The following HHLA2 variants were observed in gnomAD, a reference collection of about 807,000 sequenced individuals.
HHLA2 encodes HERV-H LTR-associating protein 2.
HHLA2 carries 48 observed loss-of-function variants against 45.9 expected under a neutral mutation model. The observed-to-expected ratio is 1.05, with a 90% CI of 0.83 to 1.33. The LOEUF (loss-of-function observed/expected upper bound fraction) is 1.33, where lower values mean the gene tolerates loss of function less well. Among genes scored for constraint, HHLA2 ranks in the 40% most tolerant of loss-of-function variants. HHLA2 has a pLI of 0.00. For synonymous variants in HHLA2, 161 were observed against 173.9 expected, an observed-to-expected ratio of 0.93 and a Z score of 0.59; for missense variants, 462 against 494.3, an observed-to-expected ratio of 0.93 and a Z score of 0.62.
chr3:108,373,991 A>AT (rs1162603451), intron 8 of HHLA2, among the ~76,000 whole-genome samples: 1 of 151,220 alleles, frequency 6.6e-6, no homozygotes, highest in African/African-American at 2.4e-5. Context: ...TAAAGTTCAT[A>AT]TGGAACCAAA....
At chr3:108,356,513 G>C (rs1359868697) in intron 6 of HHLA2, among the ~76,000 whole-genome samples, 1 of 152,118 alleles carries the variant, frequency 6.6e-6, no homozygotes. Flanking sequence ...CAGTGTTAAA[G>C]GCATGAGTAC....
At chr3:108,352,477 T>C (rs1242126483) in intron 4 of HHLA2, among the ~76,000 whole-genome samples, 1 of 152,216 alleles carries the variant, frequency 6.6e-6, no homozygotes, top group African/African-American at 2.4e-5. Context: ...TTCTTCCATC[T>C]TGGGTGGCCT....
rs781631782 is a variant in HHLA2 at position 108,355,100 on chromosome 3, C to T, written c.419-15C>T. On this transcript the variant is annotated splice_polypyrimidine_tract_variant and intron_variant, in intron 5 of 10. Transcript: ENST00000619531. ...TGATGGCAGTTTTTCATGCGCCCTT[C>T]TTTCTCCTATGTAGTTTTTCTCACA... 1.2e-6 allele frequency: 2 copies of T among 1,600,920 alleles called. No homozygotes were observed. The highest frequency in any genetic ancestry group is 1.1e-5 in the South Asian group (1 of 88,866).
intron 2 of HHLA2, among the ~76,000 whole-genome samples, chr3:108,314,139 C>T (rs923510338): frequency 2.6e-5 from 4 of 151,156 alleles, no homozygotes; most frequent in African/African-American, 9.7e-5. Context: ...TTTTTTTTAT[C>T]TTTGTGCACA....
intron 3 of HHLA2, among the ~76,000 whole-genome samples, chr3:108,329,946 G>A (rs1019086133): frequency 3.3e-5 from 5 of 152,152 alleles, no homozygotes; most frequent in African/African-American, 1.2e-4. Flanking sequence ...CTGACTCAGG[G>A]TCTTTAATGG....
At chr3:108,345,214 G>C (rs149098492) in intron 3 of HHLA2, among the ~76,000 whole-genome samples, 1 of 152,214 alleles carries the variant, frequency 6.6e-6, no homozygotes, top group Admixed American at 6.5e-5. Context: ...AGGGAGCTCT[G>C]GGCTACAGGA....
At chr3:108,326,144 T>C (rs1179025839) in intron 2 of HHLA2, 1 of 242,644 alleles carries the variant, frequency 4.1e-6, no homozygotes, top group African/African-American at 2.3e-5. Context: ...CTTTTTCACA[T>C]TTAAGTGGTT....
intron 1 of HHLA2, among the ~76,000 whole-genome samples, chr3:108,299,284 A>G (rs2080812734): frequency 6.6e-6 from 1 of 151,030 alleles, no homozygotes; most frequent in East Asian, 2.0e-4. Context: ...GTTTAAAAAA[A>G]GACTCAAAAA....
At chr3:108,310,401 T>C (rs1028597195) in intron 1 of HHLA2, among the ~76,000 whole-genome samples, 4 of 152,214 alleles carry the variant, frequency 2.6e-5, no homozygotes, top group African/African-American at 9.6e-5. Flanking sequence ...TCATATTCTG[T>C]AGAGATTAAT....
intron 8 of HHLA2, among the ~76,000 whole-genome samples, chr3:108,373,276 C>T (rs575757223): frequency 6.6e-6 from 1 of 152,296 alleles, no homozygotes; most frequent in Admixed American, 6.5e-5. Context: ...CACAATTCAA[C>T]AACGCCTTCA....
chr3:108,370,170 C>T (rs1039356693), intron 8 of HHLA2, among the ~76,000 whole-genome samples: 1 of 152,204 alleles, frequency 6.6e-6, no homozygotes, highest in African/African-American at 2.4e-5. Context: ...CGCTGTTCTG[C>T]AGCCACCACT....
At position 108,368,379 on chromosome 3, in the gene HHLA2, G is replaced by A. The variant is rs911591526; in HGVS notation, c.1108+5933G>A. On this transcript the variant is annotated intron_variant, in intron 8 of 10. Coordinates refer to ENST00000619531, the Ensembl canonical transcript of HHLA2. ...AACAATATTAACTTTAAATGTAAATGGACTAAATGCCCCAGTTAAAAGACA... is the reference window on the plus strand; with the variant it reads ...AACAATATTAACTTTAAATGTAAATAGACTAAATGCCCCAGTTAAAAGACA... 3.3e-5 allele frequency among the ~76,000 whole-genome samples: 5 copies of A among 151,466 alleles called. No individual in the cohort carries two copies. In the East Asian group the frequency reaches 9.7e-4, roughly 29 times the overall value.
At chr3:108,320,823 C>T (rs763965238) in intron 2 of HHLA2, among the ~76,000 whole-genome samples, 1 of 151,970 alleles carries the variant, frequency 6.6e-6, no homozygotes, top group Non-Finnish European at 1.5e-5. Context: ...TCACCACAGT[C>T]CATACATTTG....
At chr3:108,340,082 G>C (rs1041541041) in intron 3 of HHLA2, among the ~76,000 whole-genome samples, 7 of 152,116 alleles carry the variant, frequency 4.6e-5, no homozygotes, top group African/African-American at 1.7e-4. Context: ...CAGTGTGTGG[G>C]AGCCTGGGGA....
intron 8 of HHLA2, among the ~76,000 whole-genome samples, chr3:108,371,549 A>G (rs11920366): frequency 2.0e-5 from 3 of 152,232 alleles, no homozygotes; most frequent in African/African-American, 7.2e-5. Context: ...TAAACAGTCA[A>G]GACCCATCAG....
intron 8 of HHLA2, among the ~76,000 whole-genome samples, chr3:108,375,380 A>G (rs146359799): frequency 0.032 from 4,785 of 151,808 alleles, 248 homozygotes; most frequent in African/African-American, 0.11. Flanking sequence ...CTAATGCTAA[A>G]TGATGATTTA....
At chr3:108,360,226 T>C (rs764916691) in intron 7 of HHLA2, among the ~76,000 whole-genome samples, 1 of 152,180 alleles carries the variant, frequency 6.6e-6, no homozygotes, top group Non-Finnish European at 1.5e-5. Context: ...ATTTCTGTTA[T>C]GTCTTCCACC....
chr3:108,348,081 T>C (rs2081701314), intron 3 of HHLA2, among the ~76,000 whole-genome samples: 1 of 152,070 alleles, frequency 6.6e-6, no homozygotes, highest in Non-Finnish European at 1.5e-5. Context: ...ATCCTTGATG[T>C]ACAGATTATA....
chr3:108,312,663 C>A (rs2081039928), intron 2 of HHLA2, among the ~76,000 whole-genome samples: 1 of 152,192 alleles, frequency 6.6e-6, no homozygotes, highest in South Asian at 2.1e-4. Flanking sequence ...TTCCAGTGCT[C>A]CTGATGCTAT....
Sources: gnomAD v4.1 joint callset for allele counts (sites outside exome capture counted in the v4.1 genomes callset) on GRCh38, gnomAD v4.1.1 for gene constraint, MANE v1.5 for transcripts, NCBI Gene and HGNC (gene_info 2026-07-23, HGNC 2026-07-21) for gene names.